ANAPC1: variants seen among roughly 807,000 people sequenced by gnomAD.
ANAPC1 encodes the protein anaphase promoting complex subunit 1.
ANAPC1 carries 36 observed loss-of-function variants against 208.0 expected under a neutral mutation model. That is an observed-to-expected ratio of 0.17 (90% confidence interval 0.13 to 0.23). The LOEUF (loss-of-function observed/expected upper bound fraction) is 0.23. ANAPC1 is among the 10% of genes least tolerant of loss of function. The probability of loss-of-function intolerance (pLI) is 1.00; values close to 1 mark genes in which losing one functional copy is unlikely to be tolerated. For missense variants in ANAPC1, 942 were observed against 2,011.6 expected (o/e 0.47, Z 10.17); for synonymous variants, 378 against 695.2 (o/e 0.54, Z 7.18).
At chr2:111,833,813 T>C (rs1680321636) in intron 19 of ANAPC1, among the ~76,000 whole-genome samples, 1 of 152,150 alleles carries the variant, frequency 6.6e-6, no homozygotes, top group Non-Finnish European at 1.5e-5. Flanking sequence ...AAGAGATATT[T>C]ACCATTGATT....
chr2:111,843,583 T>C lies in ANAPC1; in HGVS notation c.1869A>G (p.Gln623=), dbSNP rs762466744. Residue 623 remains glutamine (Q), a synonymous_variant, in exon 17 of 48, where the codon CAA becomes CAG. Transcript: ENST00000341068. ...ATSELVQTCL[Q]AIKFILPKEI... is the part of the protein sequence containing the mutation. ...CTTTTGGCAGGATAAACTTAATTGCTTGCAAACACGTTTGTACTATTAAAA... is the reference window on the plus strand; with the variant it reads ...CTTTTGGCAGGATAAACTTAATTGCCTGCAAACACGTTTGTACTATTAAAA... 9 of 1,611,428 alleles carry C rather than the reference T, an allele frequency of 5.6e-6. No homozygotes were observed. The African/African-American group carries it at 9.4e-5, about 17-fold the overall frequency.
intron 21 of ANAPC1, among the ~76,000 whole-genome samples, chr2:111,830,643 T>A (rs1680080499): frequency 6.6e-6 from 1 of 152,106 alleles, no homozygotes; most frequent in Non-Finnish European, 1.5e-5. Flanking sequence ...CCTAGAACCC[T>A]GAAAACATCA....
intron 18 of ANAPC1, among the ~76,000 whole-genome samples, chr2:111,836,405 TA>T (rs1023215035): frequency 2.7e-5 from 4 of 150,010 alleles, no homozygotes; most frequent in African/African-American, 9.8e-5. Context: ...CTTTGAGAGA[TA>T]GGGGCAGGAG....
At chr2:111,851,839 C>T (rs1681419176) in intron 13 of ANAPC1, among the ~76,000 whole-genome samples, 1 of 151,018 alleles carries the variant, frequency 6.6e-6, no homozygotes, top group South Asian at 2.1e-4. Flanking sequence ...GTTGACAATC[C>T]GTGCTAACCA....
At chr2:111,825,272 T>C in intron 22 of ANAPC1, 105 bp from the exon 23 acceptor site, 1 of 1,465,156 alleles carries the variant, frequency 6.8e-7, no homozygotes, top group Admixed American at 2.1e-5. Context: ...GCAAACAACA[T>C]CTAAAAAAAA....
rs753053620 is a variant in ANAPC1 at position 111,858,380 on chromosome 2, T to G, written c.1284A>C (p.Ser428=). ...ATAGGTCAGATGTAATAAACACTTT[T>G]GAGGCTTGTGAATTTTTCTCTCTAT... ...TNIREKNSQA[S]KVFITSDLCG... The change falls in exon 11 of 48, where the codon TCA becomes TCC. Residue 428 remains serine (S), a synonymous_variant. Transcript: ENST00000341068. 2.2e-4 allele frequency: 358 copies of G among 1,613,284 alleles called. No individual in the cohort carries two copies. Among genetic ancestry groups the G allele is most frequent in the Non-Finnish European group, 2.3e-4 (271 of 1,179,562 alleles).
intron 33 of ANAPC1, among the ~76,000 whole-genome samples, chr2:111,801,654 C>T (rs1266494034): frequency 6.6e-6 from 1 of 151,026 alleles, no homozygotes; most frequent in Non-Finnish European, 1.5e-5. Context: ...GAATGAGTAC[C>T]GCTTTCACAC....
chr2:111,865,415 T>C (rs1465613559), intron 7 of ANAPC1, among the ~76,000 whole-genome samples: 1 of 152,110 alleles, frequency 6.6e-6, no homozygotes, highest in Non-Finnish European at 1.5e-5. Flanking sequence ...TAGTTACACA[T>C]GCAAAATAAG....
At chr2:111,798,427 T>G (rs896401403) in intron 34 of ANAPC1, among the ~76,000 whole-genome samples, 1 of 151,940 alleles carries the variant, frequency 6.6e-6, no homozygotes, top group African/African-American at 2.4e-5. Context: ...AATTAAAAAC[T>G]TGGGTGCTGA....
At position 111,769,209 on chromosome 2, in the gene ANAPC1, T is replaced by C; in HGVS notation, c.*82A>G. On this transcript the variant is annotated 3_prime_UTR_variant, in exon 48 of 48. Transcript: ENST00000341068. ...CCCCTAGTTATACCATAAAACTTTA[T>C]AAACATTGCTTTAGCTTTGATGTTT... The C allele has an allele frequency of 6.4e-7, 1 of 1,559,422 alleles. No individual in the cohort carries two copies. The highest frequency in any genetic ancestry group is 1.2e-5 in the South Asian group (1 of 85,182).
In ANAPC1 at chr2:111,866,775, G is replaced by GA. The variant is rs555723324; in HGVS notation, c.685+1247dup. Among the ~76,000 whole-genome samples the GA allele has an allele frequency of 7.2e-3, 726 of 100,854 alleles. 6 individuals are homozygous for GA. Among genetic ancestry groups the GA allele is most frequent in the African/African-American group, 0.027 (697 of 25,654 alleles). The allele number at this position is 100,854 out of a possible 152,430, so 66.2% of individuals were successfully genotyped here. ...GACTAAAAACAGACTATTCTCCAGA[G>GA]AAAAAATAAAATGGAAATTGTACTT... is the stretch of plus-strand genomic sequence containing the variant. On this transcript the variant is annotated intron_variant, in intron 7 of 47. Coordinates refer to ENST00000341068, the MANE Select transcript of ANAPC1 (RefSeq NM_022662.4).
chr2:111,802,375 T>C (rs1678484422), intron 33 of ANAPC1, 53 bp downstream of exon 33: 3 of 974,720 alleles, frequency 3.1e-6, no homozygotes, highest in Admixed American at 3.6e-5. Flanking sequence ...CAAGCTAAGT[T>C]TAAGAACCAC....
At chr2:111,830,796 T>C (rs1680087391) in intron 21 of ANAPC1, among the ~76,000 whole-genome samples, 1 of 152,008 alleles carries the variant, frequency 6.6e-6, no homozygotes, top group Non-Finnish European at 1.5e-5. Flanking sequence ...GTGGTAAAAA[T>C]GTAAAATGGA....
downstream of ANAPC1, chr2:111,766,760 T>C (rs2718542): frequency 3.0e-6 from 1 of 335,054 alleles, no homozygotes; most frequent in African/African-American, 2.2e-5. Context: ...TGGCCTCCCA[T>C]CAAGTGGGTG....
chr2:111,812,705 A>AC (rs1403859063), intron 28 of ANAPC1, among the ~76,000 whole-genome samples: 1 of 129,304 alleles, frequency 7.7e-6, no homozygotes, highest in East Asian at 2.3e-4. Flanking sequence ...AAAGTTAGCT[A>AC]TTGCACCAGA....
intron 13 of ANAPC1, among the ~76,000 whole-genome samples, chr2:111,853,164 A>C (rs1681505109): frequency 6.6e-6 from 1 of 152,144 alleles, no homozygotes; most frequent in Non-Finnish European, 1.5e-5. Context: ...TAGAGACTCC[A>C]GCTATCTTCT....
chr2:111,800,031 T>G lies in ANAPC1; in HGVS notation c.4296+766A>C, dbSNP rs1278346686. ...GAAAAAATGTAAATACCAATTCCAGTTAATACATATGGTACAATTTTGGGA... is the reference window on the plus strand; with the variant it reads ...GAAAAAATGTAAATACCAATTCCAGGTAATACATATGGTACAATTTTGGGA... On this transcript the variant is annotated intron_variant, in intron 34 of 47. Transcript: ENST00000341068. Among the ~76,000 whole-genome samples the G allele has an allele frequency of 2.3e-5, 2 of 85,484 alleles. 1 individual carries two copies. The highest frequency in any genetic ancestry group is 8.4e-5 in the African/African-American group (2 of 23,776). The allele number at this position is 85,484 out of a possible 152,430, so 56.1% of individuals were successfully genotyped here.
rs778349759 is a variant in ANAPC1, at chr2:111,879,013, T to A, written c.214-42A>T. On this transcript the variant is annotated intron_variant, in intron 2 of 47. Coordinates refer to ENST00000341068, the MANE Select transcript of ANAPC1 (RefSeq NM_022662.4). ...TGTAAAACATATTCAAGCACTCTTTTTTTGTTCTTCAAAAATCTGGAACAA... is the reference window on the plus strand; with the variant it reads ...TGTAAAACATATTCAAGCACTCTTTATTTGTTCTTCAAAAATCTGGAACAA... 6.4e-6 allele frequency: 10 copies of A among 1,572,050 alleles called. No individual in the cohort carries two copies. In the South Asian group the frequency reaches 1.1e-4, roughly 17 times the overall value.
intron 38 of ANAPC1, among the ~76,000 whole-genome samples, chr2:111,792,042 T>C (rs1029892656): frequency 6.6e-6 from 1 of 152,052 alleles, no homozygotes; most frequent in Non-Finnish European, 1.5e-5. Context: ...GTTTGTGACC[T>C]TTCTGAGAAA....
Sources: allele counts gnomAD v4.1 joint callset (sites outside exome capture counted in the v4.1 genomes callset), GRCh38; gene constraint gnomAD v4.1.1; transcripts MANE v1.5; gene names NCBI Gene and HGNC (gene_info 2026-07-23, HGNC 2026-07-21).